The following PDZRN4 variants were observed in gnomAD, a reference collection of about 807,000 sequenced individuals.
The protein encoded by PDZRN4 is PDZ domain-containing RING finger protein 4.
Under a neutral mutation model 99.0 loss-of-function variants are expected in PDZRN4, and 70 were observed. That is an observed-to-expected ratio of 0.71 (90% confidence interval 0.58 to 0.86). The LOEUF (loss-of-function observed/expected upper bound fraction) is 0.86, where lower values mean the gene tolerates loss of function less well. Among genes scored for constraint, PDZRN4 ranks in the 40% least tolerant of loss-of-function variants. The probability of loss-of-function intolerance (pLI) is 0.00; values close to 1 mark genes in which losing one functional copy is unlikely to be tolerated. For missense variants in PDZRN4, 1,474 were observed against 1,331.2 expected, an observed-to-expected ratio of 1.11 and a Z score of -1.67; for synonymous variants, 551 against 501.6, an observed-to-expected ratio of 1.10 and a Z score of -1.32.
chr12:41,421,416 C>T (rs1285920273), intron 3 of PDZRN4, among the ~76,000 whole-genome samples: 1 of 152,160 alleles, frequency 6.6e-6, no homozygotes, highest in Non-Finnish European at 1.5e-5. Context: ...TGGTCTCAAA[C>T]TCCTGACCTC....
At chr12:41,524,933 A>T (rs1938546576) in intron 5 of PDZRN4, among the ~76,000 whole-genome samples, 1 of 152,118 alleles carries the variant, frequency 6.6e-6, no homozygotes, top group Non-Finnish European at 1.5e-5. Flanking sequence ...AACATGACAG[A>T]CATTATTGCT....
chr12:41,402,150 G>A (rs1457675772), intron 3 of PDZRN4, among the ~76,000 whole-genome samples: 3 of 71,982 alleles, frequency 4.2e-5, no homozygotes, highest in Admixed American at 2.7e-4. Flanking sequence ...TACACACACT[G>A]AGTATATATA....
intron 7 of PDZRN4, among the ~76,000 whole-genome samples, chr12:41,556,460 G>A (rs548973057): frequency 3.3e-5 from 5 of 152,288 alleles, no homozygotes; most frequent in East Asian, 1.9e-4. Flanking sequence ...GCATGTTACT[G>A]CACTAAATAC....
intron 3 of PDZRN4, among the ~76,000 whole-genome samples, chr12:41,425,571 T>C (rs868794321): frequency 6.6e-6 from 1 of 152,104 alleles, no homozygotes; most frequent in African/African-American, 2.4e-5. Flanking sequence ...TCCAAGCATC[T>C]ATGAGAATAA....
At chr12:41,542,835 T>C (rs1456165696) in intron 5 of PDZRN4, among the ~76,000 whole-genome samples, 1 of 152,218 alleles carries the variant, frequency 6.6e-6, no homozygotes, top group Non-Finnish European at 1.5e-5. Context: ...CTAAAAAATC[T>C]AATCAATACT....
chr12:41,491,816 A>G (rs1219568438), intron 3 of PDZRN4, among the ~76,000 whole-genome samples: 1 of 152,188 alleles, frequency 6.6e-6, no homozygotes, highest in African/African-American at 2.4e-5. Context: ...TTCTGATCAT[A>G]TGTTATTACT....
chr12:41,207,492 G>A (rs1401301800), intron 3 of PDZRN4, among the ~76,000 whole-genome samples: 2 of 151,698 alleles, frequency 1.3e-5, no homozygotes, highest in South Asian at 2.1e-4. Context: ...ATCTTATAAT[G>A]TGGGGTCATG....
intron 3 of PDZRN4, among the ~76,000 whole-genome samples, chr12:41,408,793 CTCTCTG>C (rs953413566): frequency 6.6e-6 from 1 of 151,966 alleles, no homozygotes; most frequent in Non-Finnish European, 1.5e-5. Context: ...TTCTCTCTCT[CTCTCTG>C]TCTCTGTCTC....
At chr12:41,330,890 G>C (rs1951737643) in intron 3 of PDZRN4, among the ~76,000 whole-genome samples, 1 of 152,024 alleles carries the variant, frequency 6.6e-6, no homozygotes, top group Non-Finnish European at 1.5e-5. Context: ...GAAATATTTT[G>C]ATACTGCCTT....
chr12:41,386,950 T>A (rs1406473668), intron 3 of PDZRN4, among the ~76,000 whole-genome samples: 1 of 152,192 alleles, frequency 6.6e-6, no homozygotes, highest in Non-Finnish European at 1.5e-5. Context: ...GGACCCCTTC[T>A]GTACAACACT....
Position 41,555,697 on chromosome 12 carries a change from G to C in PDZRN4, c.1303-1G>C, listed in dbSNP as rs1482814338. On this transcript the variant is annotated splice_acceptor_variant, in intron 6 of 9. Coordinates refer to ENST00000402685, the MANE Select transcript of PDZRN4 (RefSeq NM_001164595.2). LOFTEE classifies it high-confidence loss of function. ...GAAGATGTATGTCCTCTTCATTACA[G>C]GTTGACCCAAATAGCATTGCTGCCA... 1 of 1,613,362 alleles carries C rather than the reference G, an allele frequency of 6.2e-7. No homozygotes were observed. Among genetic ancestry groups the C allele is most frequent in the African/African-American group, 1.3e-5 (1 of 74,868 alleles).
chr12:41,570,596 T>A (rs1227380017), intron 9 of PDZRN4, among the ~76,000 whole-genome samples: 2 of 152,088 alleles, frequency 1.3e-5, no homozygotes, highest in African/African-American at 4.8e-5. Flanking sequence ...AAGAAAAAAA[T>A]TACTAGTCTT....
At chr12:41,463,555 A>G (rs1952893149) in intron 3 of PDZRN4, among the ~76,000 whole-genome samples, 1 of 152,078 alleles carries the variant, frequency 6.6e-6, no homozygotes, top group Non-Finnish European at 1.5e-5. Context: ...CTTTAAATAA[A>G]CAAATGAGAA....
chr12:41,405,909 A>C (rs933866166), intron 3 of PDZRN4, among the ~76,000 whole-genome samples: 4 of 151,920 alleles, frequency 2.6e-5, no homozygotes, highest in African/African-American at 9.7e-5. Context: ...AACACATGTG[A>C]ACATAAATGT....
At chr12:41,312,759 C>A (rs1951615490) in intron 3 of PDZRN4, among the ~76,000 whole-genome samples, 1 of 152,096 alleles carries the variant, frequency 6.6e-6, no homozygotes, top group Non-Finnish European at 1.5e-5. Context: ...AGGTCCTTCT[C>A]ATGGCACATG....
At chr12:41,208,861 T>TA (rs1465799697) in intron 3 of PDZRN4, among the ~76,000 whole-genome samples, 2 of 151,894 alleles carry the variant, frequency 1.3e-5, no homozygotes, top group Non-Finnish European at 2.9e-5. Context: ...TTCCTTTTTT[T>TA]AAAAAATATT....
intron 3 of PDZRN4, among the ~76,000 whole-genome samples, chr12:41,424,336 T>C (rs187262118): frequency 4.7e-4 from 71 of 152,312 alleles, no homozygotes; most frequent in African/African-American, 1.6e-3. Flanking sequence ...GCTTTCCTTA[T>C]GTTGGATTTG....
At chr12:41,241,072 AGTTGT>A (rs934791390) in intron 3 of PDZRN4, among the ~76,000 whole-genome samples, 13 of 151,884 alleles carry the variant, frequency 8.6e-5, no homozygotes, top group African/African-American at 3.1e-4. Context: ...TATTATTCCA[AGTTGT>A]GTATCCCTTA....
intron 5 of PDZRN4, among the ~76,000 whole-genome samples, chr12:41,538,741 A>T (rs1938794382): frequency 6.6e-6 from 1 of 152,142 alleles, no homozygotes; most frequent in Non-Finnish European, 1.5e-5. Flanking sequence ...TTAATCCTAT[A>T]TTCAAAAGTT....
Sources: gnomAD v4.1 joint callset for allele counts (sites outside exome capture counted in the v4.1 genomes callset) on GRCh38, gnomAD v4.1.1 for gene constraint, MANE v1.5 for transcripts, NCBI Gene and HGNC (gene_info 2026-07-23, HGNC 2026-07-21) for gene names.